Variants in COL4A4 observed in about 807,000 individuals in gnomAD.
The protein encoded by COL4A4 is collagen alpha-4(IV) chain.
In COL4A4, 105 loss-of-function variants were observed where a neutral mutation model predicts 192.9. The ratio of observed to expected loss-of-function variants is 0.54; its 90% CI spans 0.46 to 0.64. The LOEUF (loss-of-function observed/expected upper bound fraction) is 0.64. Ranked by LOEUF, COL4A4 falls within the 30% of genes least tolerant of loss-of-function variation. The probability of loss-of-function intolerance (pLI) is 0.00; values close to 1 mark genes in which losing one functional copy is unlikely to be tolerated. For synonymous variants in COL4A4, 762 were observed against 769.9 expected (o/e 0.99, Z 0.17); for missense variants, 1,967 against 2,169.3 (o/e 0.91, Z 1.85).
the COL4A4 span, among the ~76,000 whole-genome samples, chr2:226,968,654 C>G: frequency 6.6e-6 from 1 of 152,206 alleles, no homozygotes; most frequent in South Asian, 2.1e-4. Flanking sequence ...TTTGCGCACT[C>G]TCTCCGAAAC....
chr2:227,137,260 C>T, intron 4 of COL4A4, among the ~76,000 whole-genome samples: 1 of 152,152 alleles, frequency 6.6e-6, no homozygotes, highest in East Asian at 1.9e-4. Flanking sequence ...AAGAGAAGGA[C>T]CAATGGGGGT....
intron 1 of COL4A4, among the ~76,000 whole-genome samples, chr2:227,149,618 C>T (rs1415158004): frequency 6.6e-6 from 1 of 150,932 alleles, no homozygotes; most frequent in African/African-American, 2.4e-5. Context: ...AATACTTAAA[C>T]AGCATTTGAT....
chr2:227,097,967 A>G (rs1374223226), intron 19 of COL4A4, among the ~76,000 whole-genome samples: 1 of 152,180 alleles, frequency 6.6e-6, no homozygotes, highest in Non-Finnish European at 1.5e-5. Context: ...AATACCCTCT[A>G]AACTTCAATT....
chr2:227,128,706 C>T (rs552708451), intron 4 of COL4A4, among the ~76,000 whole-genome samples: 1 of 152,234 alleles, frequency 6.6e-6, no homozygotes, highest in African/African-American at 2.4e-5. Context: ...CCCATCTTAC[C>T]TTCCTCCCAC....
chr2:227,064,839 G>A lies in COL4A4; in HGVS notation c.1988-2241C>T, dbSNP rs539003954. 1.2e-4 allele frequency among the ~76,000 whole-genome samples: 18 copies of A among 152,340 alleles called. No individual in the cohort carries two copies. In the South Asian group the frequency reaches 3.7e-3, roughly 32 times the overall value. ...TCATTTTCAGACAAGCAAATGCTGAGGAAATTTTTCACTACAAAACATGCA... is the reference window on the plus strand; with the variant it reads ...TCATTTTCAGACAAGCAAATGCTGAAGAAATTTTTCACTACAAAACATGCA... On this transcript the variant is annotated intron_variant, in intron 25 of 47. Coordinates refer to ENST00000396625, the MANE Select transcript of COL4A4 (RefSeq NM_000092.5).
intron 19 of COL4A4, 134 bp from the exon 20 acceptor site, chr2:227,094,423 T>G (rs1046892975): frequency 3.7e-6 from 3 of 810,590 alleles, no homozygotes; most frequent in Non-Finnish European, 6.0e-6. Flanking sequence ...TGGAGGTCAT[T>G]ATGCTAAGTG....
rs1575665377 is a variant in COL4A4, at chr2:227,003,442, C to T, written c.*3883G>A. 6.6e-6 allele frequency: 1 copy of T among 152,160 alleles called. No homozygotes were observed. Among genetic ancestry groups the T allele is most frequent in the African/African-American group, 2.4e-5 (1 of 41,428 alleles). 9.4% of individuals were successfully genotyped at this position (152,160 alleles called of 1,614,324 possible). ...AAAATGACTAAGCCAGATTTCAAACCTGGGTTCGACCAACTCTCAAGTCCT... is the reference window on the plus strand; with the variant it reads ...AAAATGACTAAGCCAGATTTCAAACTTGGGTTCGACCAACTCTCAAGTCCT... On this transcript the variant is annotated 3_prime_UTR_variant, in exon 48 of 48. Coordinates refer to ENST00000396625, the MANE Select transcript of COL4A4 (RefSeq NM_000092.5).
the COL4A4 span, among the ~76,000 whole-genome samples, chr2:226,988,001 C>T: frequency 6.6e-6 from 1 of 152,104 alleles, no homozygotes; most frequent in Non-Finnish European, 1.5e-5. Flanking sequence ...GCCAGGGCTG[C>T]TAAAAAGCTG....
intron 45 of COL4A4, 23 bp from the exon 46 acceptor site, chr2:227,010,524 T>A (rs766501515): frequency 2.6e-6 from 4 of 1,520,894 alleles, no homozygotes; most frequent in Non-Finnish European, 3.5e-6. Context: ...AGGAAAAAAA[T>A]TGAAGGCAGG....
chr2:226,988,650 A>G, the COL4A4 span: 1 of 985,298 alleles, frequency 1.0e-6, no homozygotes, highest in East Asian at 1.1e-4. Context: ...TTCTGAGAGG[A>G]AGGTAGGATT....
At chr2:227,124,395 A>G (rs546346245) in intron 4 of COL4A4, among the ~76,000 whole-genome samples, 86 of 152,342 alleles carry the variant, frequency 5.6e-4, no homozygotes, top group Admixed American at 1.6e-3. Context: ...ATTAGTTACC[A>G]CTTCTTGCTC....
In COL4A4 at chr2:227,132,004, T is replaced by G. The variant is rs536120402; in HGVS notation, c.192+8157A>C. 7.9e-5 allele frequency among the ~76,000 whole-genome samples: 12 copies of G among 152,288 alleles called. No individual in the cohort carries two copies. The East Asian group carries it at 2.3e-3, about 29-fold the overall frequency. ...ACTTCTGGCCTCTAGAGAATACATT[T>G]CTGTTGTATTAAGCCACCATGTATA... is the stretch of plus-strand genomic sequence containing the variant. On this transcript the variant is annotated intron_variant, in intron 4 of 47. Transcript: ENST00000396625.
At chr2:227,080,322 G>C (rs1245516820) in intron 24 of COL4A4, 121 bp downstream of exon 24, 7 of 937,954 alleles carry the variant, frequency 7.5e-6, no homozygotes, top group Non-Finnish European at 1.2e-5. Flanking sequence ...AAGTGACTCT[G>C]ATTTATAGTA....
chr2:227,106,614 G>A (rs2060859927), intron 12 of COL4A4, among the ~76,000 whole-genome samples: 1 of 152,164 alleles, frequency 6.6e-6, no homozygotes, highest in Non-Finnish European at 1.5e-5. Flanking sequence ...CACCCAGGCT[G>A]GAGTGAAATG....
chr2:227,109,127 G>A (rs778935355), intron 10 of COL4A4, 97 bp downstream of exon 10: 16 of 1,137,894 alleles, frequency 1.4e-5, no homozygotes, highest in Admixed American at 1.7e-5. Flanking sequence ...TCTCTCAAAC[G>A]GCCCACCTGT....
At chr2:227,116,107 T>A (rs1009918345) in intron 7 of COL4A4, among the ~76,000 whole-genome samples, 2 of 152,258 alleles carry the variant, frequency 1.3e-5, no homozygotes, top group East Asian at 1.9e-4. Flanking sequence ...CTCAAATCCA[T>A]CTCCTGGACT....
chr2:226,973,342 C>T, the COL4A4 span, among the ~76,000 whole-genome samples: 1 of 152,206 alleles, frequency 6.6e-6, no homozygotes, highest in Non-Finnish European at 1.5e-5. Context: ...TTTTCCTGTG[C>T]TAGAGATGCT....
the COL4A4 span, among the ~76,000 whole-genome samples, chr2:226,967,555 T>A: frequency 5.6e-5 from 7 of 125,544 alleles, no homozygotes; most frequent in Non-Finnish European, 9.5e-5. Context: ...CACCTCTAAC[T>A]TTCTGCATGT....
chr2:227,045,273 T>C (rs2150120338), intron 35 of COL4A4, among the ~76,000 whole-genome samples: 1 of 152,250 alleles, frequency 6.6e-6, no homozygotes, highest in South Asian at 2.1e-4. Flanking sequence ...AGTTTACAGG[T>C]GAGGCAACTA....
Sources: allele counts gnomAD v4.1 joint callset (sites outside exome capture counted in the v4.1 genomes callset), GRCh38; gene constraint gnomAD v4.1.1; transcripts MANE v1.5; gene names NCBI Gene and HGNC (gene_info 2026-07-23, HGNC 2026-07-21).